The following RELCH variants were observed in gnomAD, a reference collection of about 807,000 sequenced individuals.
The protein encoded by RELCH is RAB11 binding and LisH domain, coiled-coil and HEAT repeat containing, also known as RAB11-binding protein RELCH.
In RELCH, 41 loss-of-function variants were observed where a neutral mutation model predicts 150.3. The observed-to-expected ratio is 0.27, with a 90% CI of 0.21 to 0.35. The LOEUF (loss-of-function observed/expected upper bound fraction) is 0.35, where lower values mean the gene tolerates loss of function less well. RELCH is among the 10% of genes least tolerant of loss of function. The probability of loss-of-function intolerance (pLI) is 1.00; values close to 1 mark genes in which losing one functional copy is unlikely to be tolerated. For synonymous variants in RELCH, 478 were observed against 531.8 expected, an observed-to-expected ratio of 0.90 and a Z score of 1.39; for missense variants, 1,092 against 1,467.8, an observed-to-expected ratio of 0.74 and a Z score of 4.18.
At position 62,217,939 on chromosome 18, in the gene RELCH, G is replaced by T. The variant is rs9958717; in HGVS notation, c.617-3098G>T. On this transcript the variant is annotated intron_variant, in intron 2 of 28. Transcript: ENST00000644646. ...CTACAAACTATGGAGATTGCATCTT[G>T]CTTTCACTTATTTATTGCTAAGTCA... 3.5e-3 allele frequency among the ~76,000 whole-genome samples: 535 copies of T among 151,996 alleles called. 4 individuals carry two copies. The highest frequency in any genetic ancestry group is 0.013 in the African/African-American group (524 of 41,508).
At chr18:62,224,143 G>C (rs2041061804) in intron 5 of RELCH, among the ~76,000 whole-genome samples, 2 of 151,896 alleles carry the variant, frequency 1.3e-5, no homozygotes, top group Non-Finnish European at 2.9e-5. Flanking sequence ...AACAGGCCCT[G>C]GTGTGTGATG....
At chr18:62,219,696 C>T (rs992182668) in intron 2 of RELCH, among the ~76,000 whole-genome samples, 2 of 152,080 alleles carry the variant, frequency 1.3e-5, no homozygotes, top group Non-Finnish European at 1.5e-5. Context: ...CATAAAGTAA[C>T]ATACGATGTC....
intron 2 of RELCH, among the ~76,000 whole-genome samples, chr18:62,217,809 T>C (rs1486527508): frequency 6.6e-6 from 1 of 151,904 alleles, no homozygotes; most frequent in Admixed American, 6.6e-5. Context: ...AGATGAGTGA[T>C]AGAGGAACTC....
intron 27 of RELCH, among the ~76,000 whole-genome samples, chr18:62,296,323 C>G (rs1038011555): frequency 1.3e-5 from 2 of 152,172 alleles, no homozygotes; most frequent in Non-Finnish European, 2.9e-5. Context: ...CGTGGTGGCC[C>G]ACGCCTGTAA....
chr18:62,254,280 T>G (rs72949221), intron 12 of RELCH, among the ~76,000 whole-genome samples: 42,857 of 151,962 alleles, frequency 0.28, 7,180 homozygotes, highest in East Asian at 0.59. Context: ...CTCTCAACAG[T>G]AATTTGTATT....
At chr18:62,199,503 T>C (rs1029825691) in intron 1 of RELCH, among the ~76,000 whole-genome samples, 7 of 152,234 alleles carry the variant, frequency 4.6e-5, no homozygotes, top group African/African-American at 1.7e-4. Flanking sequence ...GTGCCTGGCA[T>C]ACAAGCTTTC....
chr18:62,217,174 C>A (rs1298209769), intron 2 of RELCH, among the ~76,000 whole-genome samples: 1 of 151,744 alleles, frequency 6.6e-6, no homozygotes, highest in Non-Finnish European at 1.5e-5. Context: ...AGGGTTTTAT[C>A]TTTAGATTAA....
At chr18:62,267,512 G>GTGTGTT (rs1555743429) in intron 19 of RELCH, among the ~76,000 whole-genome samples, 31 of 135,832 alleles carry the variant, frequency 2.3e-4, no homozygotes, top group Admixed American at 3.6e-4. Context: ...GTGTGTGTGT[G>GTGTGTT]TGTGTGTATA....
At chr18:62,299,380 T>C (rs977124373) in intron 28 of RELCH, among the ~76,000 whole-genome samples, 1 of 152,192 alleles carries the variant, frequency 6.6e-6, no homozygotes, top group Admixed American at 6.5e-5. Context: ...TATTTACAAA[T>C]GAGCTGTACG....
chr18:62,256,538 G>C (rs1445725464), intron 13 of RELCH, among the ~76,000 whole-genome samples: 2 of 152,026 alleles, frequency 1.3e-5, no homozygotes, highest in African/African-American at 4.8e-5. Flanking sequence ...TAAATAGGCT[G>C]TTCTACTCTG....
At chr18:62,258,713 T>G (rs767127928) in intron 15 of RELCH, 37 bp downstream of exon 15, 6 of 1,442,888 alleles carry the variant, frequency 4.2e-6, no homozygotes, top group Non-Finnish European at 5.6e-6. Flanking sequence ...TTGTAGAAAC[T>G]TAAAAGGTCT....
chr18:62,274,565 C>G (rs554144379), intron 21 of RELCH, among the ~76,000 whole-genome samples: 1 of 152,300 alleles, frequency 6.6e-6, no homozygotes, highest in East Asian at 1.9e-4. Flanking sequence ...TTTGCATAGG[C>G]TTCACAGCCA....
At chr18:62,232,993 T>C (rs1345753261) in intron 10 of RELCH, among the ~76,000 whole-genome samples, 2 of 152,002 alleles carry the variant, frequency 1.3e-5, no homozygotes, top group African/African-American at 4.8e-5. Context: ...TTTATTTTTC[T>C]TGCAGTTAAC....
rs1276424328 is a variant in RELCH, at chr18:62,252,906, CG to C, written c.1824+153del. The C allele has an allele frequency of 1.3e-4, 81 of 631,332 alleles. 1 individual carries two copies. Among genetic ancestry groups the C allele is most frequent in the East Asian group, 4.1e-4 (15 of 36,370 alleles). The allele number at this position is 631,332 out of a possible 1,614,324, so 39.1% of individuals were successfully genotyped here. On this transcript the variant is annotated intron_variant, in intron 12 of 28. Coordinates refer to ENST00000644646, the MANE Select transcript of RELCH (RefSeq NM_001346231.2). The stretch of plus-strand genomic sequence containing the variant: ...CAGCACAGTGATTTATTAGTACTTA[CG>C]AATGCTCTGGGGTGCTTTCCTTTAT...
At position 62,221,244 on chromosome 18, in the gene RELCH, A is replaced by G. The variant is rs753073731; in HGVS notation, c.714A>G (p.Arg238=). 6.2e-7 allele frequency: 1 copy of G among 1,611,382 alleles called. No individual in the cohort carries two copies. The highest frequency in any genetic ancestry group is 1.1e-5 in the South Asian group (1 of 90,934). The change falls in exon 4 of 29, where the codon CGA becomes CGG. Residue 238 remains arginine (R), a synonymous_variant. Transcript: ENST00000644646. ...AACATGAAGTTCCTTTACAGGAACG[A>G]AAAAATTACAAATCAAGTCCTGAAA... ...AAEHEVPLQE[R]KNYKSSPEIQ... is the part of the protein sequence containing the mutation.
In RELCH at chr18:62,200,540, A is replaced by G. The variant is rs17644418; in HGVS notation, c.527-10613A>G. Reference sequence around the variant, plus strand: ...TATAAATGTGAGTGCCGCAGTTGCTAAAAGTAAAAGGCTGTCCCCAACTTT... The same window carrying G: ...TATAAATGTGAGTGCCGCAGTTGCTGAAAGTAAAAGGCTGTCCCCAACTTT... On this transcript the variant is annotated intron_variant, in intron 1 of 28. Coordinates refer to ENST00000644646, the MANE Select transcript of RELCH (RefSeq NM_001346231.2). Among the ~76,000 whole-genome samples, 1,334 of 152,150 alleles carry G rather than the reference A, an allele frequency of 8.8e-3. 14 individuals carry two copies. Among genetic ancestry groups the G allele is most frequent in the Middle Eastern group, 0.014 (4 of 294 alleles).
At chr18:62,251,070 A>G (rs1184417789) in intron 11 of RELCH, among the ~76,000 whole-genome samples, 1 of 152,064 alleles carries the variant, frequency 6.6e-6, no homozygotes, top group Non-Finnish European at 1.5e-5. Flanking sequence ...TTAGAATTTT[A>G]TGTTTTTTTT....
Position 62,287,477 on chromosome 18 carries a change from T to C in RELCH, c.3370+10T>C, listed in dbSNP as rs200808561. On this transcript the variant is annotated intron_variant, in intron 26 of 28. Coordinates refer to ENST00000644646, the MANE Select transcript of RELCH (RefSeq NM_001346231.2). The stretch of plus-strand genomic sequence containing the variant: ...GCACTTTCCTGTTGTTGTATCCTTG[T>C]TTTATTAAGGTGTATCTACATTTAT... 174 of 1,374,246 alleles carry C rather than the reference T, an allele frequency of 1.3e-4. No homozygotes were observed. Among genetic ancestry groups the C allele is most frequent in the Non-Finnish European group, 1.7e-4 (166 of 964,864 alleles). The allele number at this position is 1,374,246 out of a possible 1,614,324, so 85.1% of individuals were successfully genotyped here.
chr18:62,273,437 T>C (rs2144840419), intron 20 of RELCH, among the ~76,000 whole-genome samples: 1 of 152,286 alleles, frequency 6.6e-6, no homozygotes, highest in African/African-American at 2.4e-5. Context: ...GAAATCAATT[T>C]TCTACTATTT....
Sources: allele counts gnomAD v4.1 joint callset (sites outside exome capture counted in the v4.1 genomes callset), GRCh38; gene constraint gnomAD v4.1.1; transcripts MANE v1.5; gene names NCBI Gene and HGNC (gene_info 2026-07-23, HGNC 2026-07-21).